The following PREPL variants were observed in gnomAD, a reference collection of about 807,000 sequenced individuals.
PREPL encodes the protein prolyl endopeptidase-like.
In PREPL, 77 loss-of-function variants were observed where a neutral mutation model predicts 70.6. The observed-to-expected ratio is 1.09, with a 90% CI of 0.91 to 1.32. The LOEUF is 1.32. Ranked by LOEUF, PREPL falls within the 40% of genes most tolerant of loss-of-function variation. The pLI is 0.00. For missense variants in PREPL, 1,002 were observed against 778.2 expected, an observed-to-expected ratio of 1.29 and a Z score of -3.42; for synonymous variants, 315 against 264.8, an observed-to-expected ratio of 1.19 and a Z score of -1.84.
chr2:44,345,998 C>T (rs190777579), intron 2 of PREPL, among the ~76,000 whole-genome samples: 56 of 151,514 alleles, frequency 3.7e-4, no homozygotes, highest in Non-Finnish European at 7.5e-4. Context: ...TTTTTTAAAT[C>T]GGAACTGATT....
chr2:44,355,770 TATATATATAC>T (rs1354486874), intron 1 of PREPL, among the ~76,000 whole-genome samples: 19 of 103,874 alleles, frequency 1.8e-4, no homozygotes, highest in African/African-American at 3.9e-4. Flanking sequence ...TATATATATA[TATATATATAC>T]ACACACACAC....
rs577721396 is a variant in PREPL at position 44,336,610 on chromosome 2, C to T, written c.888+1741G>A. Reference sequence around the variant, plus strand: ...TTATTACCTGGGTGACAAAATAATACGTATATCAAACCCCTGTGGCAGACA... The same window carrying T: ...TTATTACCTGGGTGACAAAATAATATGTATATCAAACCCCTGTGGCAGACA... On this transcript the variant is annotated intron_variant, in intron 7 of 13. Transcript: ENST00000409411. Among the ~76,000 whole-genome samples, 14 of 152,018 alleles carry T rather than the reference C, an allele frequency of 9.2e-5. No homozygotes were observed. In the East Asian group the frequency reaches 9.6e-4, roughly 10 times the overall value.
intron 7 of PREPL, among the ~76,000 whole-genome samples, chr2:44,336,688 AAAAAG>A (rs1261330886): frequency 3.9e-5 from 6 of 152,308 alleles, no homozygotes; most frequent in African/African-American, 1.4e-4. Flanking sequence ...AAAGTTAAAA[AAAAAG>A]AAATGCTATC....
rs1207275366 is a variant in PREPL, at chr2:44,343,915, T to A, written c.179A>T (p.Glu60Val). Residue 60 changes from glutamate (E) to valine (V), a missense_variant, in exon 4 of 14, where the codon GAG (glutamate) becomes GTG (valine). By Grantham distance (121) the Glu-to-Val change is moderately radical. Coordinates refer to ENST00000409411, the MANE Select transcript of PREPL (RefSeq NM_001171613.2). Reference sequence around the variant, plus strand: ...GAAGGGCTGGTCTAACTTAAGTTCCTCCAAATTGAATAAAACTTCATAATT... The same window carrying A: ...GAAGGGCTGGTCTAACTTAAGTTCCACCAAATTGAATAAAACTTCATAATT... Reference protein sequence around the residue: ...NDNYEVLFNLEELKLDQPFID... With the variant: ...NDNYEVLFNLVELKLDQPFID... 1 of 1,613,924 alleles carries A rather than the reference T, an allele frequency of 6.2e-7. No homozygotes were observed. The highest frequency in any genetic ancestry group is 1.3e-5 in the African/African-American group (1 of 74,928).
At chr2:44,328,009 G>C (rs527484061) in intron 9 of PREPL, among the ~76,000 whole-genome samples, 113 of 150,588 alleles carry the variant, frequency 7.5e-4, no homozygotes, top group African/African-American at 2.7e-3. Flanking sequence ...AAATCGGGCT[G>C]GTACGGTGGC....
Position 44,320,329 on chromosome 2 carries a change from C to T in PREPL, c.*1027G>A. 1 of 1,614,140 alleles carries T rather than the reference C, an allele frequency of 6.2e-7. No individual in the cohort carries two copies. Among genetic ancestry groups the T allele is most frequent in the Non-Finnish European group, 8.5e-7 (1 of 1,179,996 alleles). ...AATGACAGCCACTATGTTGTGTACA[C>T]AAGAGAGCTGGATGGCATCGACAGA... On this transcript the variant is annotated 3_prime_UTR_variant, in exon 14 of 14. Coordinates refer to ENST00000409411, the MANE Select transcript of PREPL (RefSeq NM_001171613.2).
In PREPL at chr2:44,318,903, A is replaced by G. The variant is rs996738941; in HGVS notation, c.*2453T>C. 9 of 152,334 alleles carry G rather than the reference A, an allele frequency of 5.9e-5. No individual in the cohort carries two copies. The highest frequency in any genetic ancestry group is 5.9e-4 in the Admixed American group (9 of 15,298). 9.4% of individuals were successfully genotyped at this position (152,334 alleles called of 1,614,324 possible). ...GCATCTAACAGCTTCAAAATATAGA[A>G]AATACTCAAATGCAAAATCAACAAA... On this transcript the variant is annotated 3_prime_UTR_variant, in exon 14 of 14. Coordinates refer to ENST00000409411, the MANE Select transcript of PREPL (RefSeq NM_001171613.2).
chr2:44,332,340 G>T, intron 8 of PREPL, 119 bp downstream of exon 8: 1 of 834,362 alleles, frequency 1.2e-6, no homozygotes, highest in Non-Finnish European at 1.9e-6. Context: ...GGGTATTACT[G>T]TGGTCTAAGA....
At position 44,361,146 on chromosome 2, in the gene PREPL, G is replaced by C. The variant is rs192887996; in HGVS notation, c.-49+234C>G. ...CCAAGAAGACAGTATGCAAGGCTAGGATGGGGGTGGGGTAGATAAATGGGT... is the reference window on the plus strand; with the variant it reads ...CCAAGAAGACAGTATGCAAGGCTAGCATGGGGGTGGGGTAGATAAATGGGT... On this transcript the variant is annotated intron_variant, in intron 1 of 13. Transcript: ENST00000409411. Among the ~76,000 whole-genome samples, 413 of 152,336 alleles carry C rather than the reference G, an allele frequency of 2.7e-3. 1 individual carries two copies. Among genetic ancestry groups the C allele is most frequent in the African/African-American group, 8.0e-3 (333 of 41,564 alleles).
In PREPL at chr2:44,339,285, C is replaced by G. The variant is rs1293632946; in HGVS notation, c.564G>C (p.Val188=). The G allele has an allele frequency of 1.2e-6, 2 of 1,614,056 alleles. No individual in the cohort carries two copies. The highest frequency in any genetic ancestry group is 2.2e-5 in the South Asian group (2 of 91,080). ...INIMNKTTSE[V]WLIDGLSPWD... is the part of the protein sequence containing the mutation. ...AAGGGCTCAGGCCATCTATCAACCA[C>G]ACTTCAGAAGTAGTCTTGTTCATAA... Residue 188 remains valine, a synonymous_variant, in exon 6 of 14, where the codon GTG becomes GTC. Coordinates refer to ENST00000409411, the MANE Select transcript of PREPL (RefSeq NM_001171613.2).
intron 7 of PREPL, among the ~76,000 whole-genome samples, chr2:44,337,473 T>C (rs1363313120): frequency 2.0e-5 from 3 of 152,208 alleles, no homozygotes; most frequent in East Asian, 1.9e-4. Flanking sequence ...CGATACAGTA[T>C]TGTGCACATG....
chr2:44,327,947 C>T (rs1016931867), intron 9 of PREPL, among the ~76,000 whole-genome samples: 3 of 151,330 alleles, frequency 2.0e-5, no homozygotes, highest in Admixed American at 6.6e-5. Context: ...CTCAGGAGTT[C>T]GAGACCAGCC....
intron 10 of PREPL, among the ~76,000 whole-genome samples, chr2:44,325,541 T>C (rs911373868): frequency 2.0e-5 from 3 of 152,210 alleles, no homozygotes; most frequent in East Asian, 1.9e-4. Flanking sequence ...TAAAAGGTTG[T>C]CTCCTAGTCT....
chr2:44,361,100 TTATC>T lies in PREPL; in HGVS notation c.-49+276_-49+279del, dbSNP rs200078146. Among the ~76,000 whole-genome samples, 523 of 152,288 alleles carry T rather than the reference TTATC, an allele frequency of 3.4e-3. 2 individuals are homozygous for T. The highest frequency in any genetic ancestry group is 0.012 in the African/African-American group (486 of 41,558). On this transcript the variant is annotated intron_variant, in intron 1 of 13. Coordinates refer to ENST00000409411, the MANE Select transcript of PREPL (RefSeq NM_001171613.2). The stretch of plus-strand genomic sequence containing the variant: ...CTACATCACCACGTTCCCACAGCCT[TTATC>T]CATCCATCTTTCATCCCCAAGAAGA...
chr2:44,346,429 AG>A, intron 1 of PREPL, 39 bp from the exon 2 acceptor site: 4 of 1,595,110 alleles, frequency 2.5e-6, no homozygotes, highest in Non-Finnish European at 3.4e-6. Context: ...ATTTCAAACT[AG>A]GGAAAAAAAA....
At chr2:44,333,649 T>A (rs1192075990) in intron 7 of PREPL, among the ~76,000 whole-genome samples, 4 of 151,982 alleles carry the variant, frequency 2.6e-5, no homozygotes, top group Non-Finnish European at 5.9e-5. Flanking sequence ...TCTATTTTCA[T>A]GAAACACTAG....
chr2:44,358,475 C>G (rs973115019), intron 1 of PREPL, among the ~76,000 whole-genome samples: 1 of 152,026 alleles, frequency 6.6e-6, no homozygotes, highest in Non-Finnish European at 1.5e-5. Context: ...CATTAAGGAA[C>G]CTAAGGAACA....
chr2:44,344,030 A>T (rs745948218), intron 3 of PREPL, 79 bp from the exon 4 acceptor site: 80 of 1,467,308 alleles, frequency 5.5e-5, no homozygotes, highest in Non-Finnish European at 6.9e-5. Flanking sequence ...AATGTTTTAA[A>T]TTAGAATTCC....
intron 1 of PREPL, chr2:44,359,780 T>C: frequency 9.3e-6 from 11 of 1,181,044 alleles, no homozygotes; most frequent in Non-Finnish European, 1.2e-5. Context: ...TTTATAGGTA[T>C]GATTACAGAG....
Sources: allele counts gnomAD v4.1 joint callset (sites outside exome capture counted in the v4.1 genomes callset), GRCh38; gene constraint gnomAD v4.1.1; transcripts MANE v1.5; gene names NCBI Gene and HGNC (gene_info 2026-07-23, HGNC 2026-07-21).